TANGO6: variants seen among roughly 807,000 people sequenced by gnomAD.
TANGO6 encodes transport and Golgi organization protein 6 homolog.
A neutral mutation model predicts 114.2 loss-of-function variants in TANGO6; 90 were observed. The observed-to-expected ratio is 0.79, with a 90% CI of 0.66 to 0.94. The LOEUF is 0.94. Ranked by LOEUF, TANGO6 falls within the 40% of genes least tolerant of loss-of-function variation. TANGO6 has a pLI of 0.00. For synonymous variants in TANGO6, 477 were observed against 509.8 expected (o/e 0.94, Z 0.87); for missense variants, 1,274 against 1,315.3 (o/e 0.97, Z 0.49).
intron 16 of TANGO6, among the ~76,000 whole-genome samples, chr16:69,023,741 A>T (rs1959451752): frequency 6.7e-6 from 1 of 150,248 alleles, no homozygotes; most frequent in South Asian, 2.1e-4. Flanking sequence ...GTTGTTTACC[A>T]AAAAAAAACG....
intron 15 of TANGO6, among the ~76,000 whole-genome samples, chr16:69,022,583 A>G (rs1250443967): frequency 2.6e-5 from 4 of 152,094 alleles, no homozygotes; most frequent in African/African-American, 9.7e-5. Flanking sequence ...ATGCACCTGT[A>G]GTCCCAACTA....
intron 17 of TANGO6, among the ~76,000 whole-genome samples, chr16:69,063,180 G>T (rs1185416817): frequency 6.8e-6 from 1 of 148,070 alleles, no homozygotes; most frequent in Non-Finnish European, 1.5e-5. Flanking sequence ...CCAAGATCGC[G>T]CCATTACCCT....
chr16:69,059,878 G>A (rs1172240925), intron 17 of TANGO6, among the ~76,000 whole-genome samples: 1 of 152,148 alleles, frequency 6.6e-6, no homozygotes, highest in Non-Finnish European at 1.5e-5. Flanking sequence ...GTTTCTTGTG[G>A]TCTATCAGAT....
At chr16:68,844,871 A>G (rs1207623731) in intron 1 of TANGO6, among the ~76,000 whole-genome samples, 1 of 152,022 alleles carries the variant, frequency 6.6e-6, no homozygotes, top group Non-Finnish European at 1.5e-5. Flanking sequence ...CACTAAAAGT[A>G]TGGTAAATAT....
intron 15 of TANGO6, among the ~76,000 whole-genome samples, chr16:69,001,700 G>A (rs944549964): frequency 1.3e-5 from 2 of 152,078 alleles, no homozygotes; most frequent in Non-Finnish European, 2.9e-5. Flanking sequence ...AAAAAGAAAG[G>A]AACACCATGG....
chr16:69,077,515 G>T (rs1960398732), intron 17 of TANGO6, among the ~76,000 whole-genome samples: 1 of 151,966 alleles, frequency 6.6e-6, no homozygotes, highest in Admixed American at 6.6e-5. Flanking sequence ...GAGGCATTGG[G>T]GCTATACCAG....
chr16:69,022,798 G>A (rs1434133434), intron 15 of TANGO6, 30 bp from the exon 16 acceptor site: 7 of 1,551,618 alleles, frequency 4.5e-6, no homozygotes, highest in African/African-American at 2.7e-5. Context: ...TTTGTTTTAA[G>A]GGGTTTTGAT....
intron 14 of TANGO6, chr16:68,973,190 C>A: frequency 2.2e-6 from 1 of 455,870 alleles, no homozygotes; most frequent in Non-Finnish European, 4.4e-6. Context: ...AAACCCAAAG[C>A]AGAGTTGATG....
At position 68,926,488 on chromosome 16, in the gene TANGO6, C is replaced by T. The variant is rs140170480; in HGVS notation, c.2128-1080C>T. ...CAGCCTAGGCAGCAGAGCGAGACTC[C>T]GTTTCCAAAAAGAAAAGAAAAAAAT... On this transcript the variant is annotated intron_variant, in intron 12 of 17. Coordinates refer to ENST00000261778, the MANE Select transcript of TANGO6 (RefSeq NM_024562.2). 6.7e-4 allele frequency among the ~76,000 whole-genome samples: 101 copies of T among 150,984 alleles called. 1 individual carries two copies. The highest frequency in any genetic ancestry group is 2.3e-3 in the African/African-American group (95 of 41,164).
chr16:69,011,609 C>G (rs1337181638), intron 15 of TANGO6, among the ~76,000 whole-genome samples: 2 of 152,136 alleles, frequency 1.3e-5, no homozygotes, highest in African/African-American at 4.8e-5. Context: ...CACATGCTAC[C>G]ATACCCAGCT....
intron 15 of TANGO6, among the ~76,000 whole-genome samples, chr16:68,991,759 A>T (rs935509181): frequency 2.0e-5 from 3 of 152,230 alleles, no homozygotes; most frequent in Admixed American, 6.5e-5. Flanking sequence ...AGGGAGGCAG[A>T]GGTTGCAGTG....
intron 14 of TANGO6, among the ~76,000 whole-genome samples, chr16:68,932,246 A>T (rs1440834737): frequency 1.3e-5 from 2 of 151,952 alleles, no homozygotes; most frequent in Non-Finnish European, 2.9e-5. Flanking sequence ...ATGTGCCACC[A>T]CACCTGGCTA....
intron 17 of TANGO6, among the ~76,000 whole-genome samples, chr16:69,042,079 CTG>C (rs1435077195): frequency 2.0e-5 from 3 of 152,204 alleles, no homozygotes; most frequent in Non-Finnish European, 2.9e-5. Context: ...TTGGCCAGAA[CTG>C]TGTCAAACAA....
intron 17 of TANGO6, among the ~76,000 whole-genome samples, chr16:69,074,855 AT>A (rs1024063125): frequency 5.3e-5 from 7 of 132,456 alleles, no homozygotes; most frequent in Non-Finnish European, 9.9e-5. Flanking sequence ...TATTATTATT[AT>A]TTTTTTTTGG....
At chr16:68,991,719 G>T (rs1233670848) in intron 15 of TANGO6, among the ~76,000 whole-genome samples, 2 of 152,184 alleles carry the variant, frequency 1.3e-5, no homozygotes, top group African/African-American at 4.8e-5. Flanking sequence ...TCGGGAGGCT[G>T]AGGCAGAAGA....
rs1963052115 is a variant in TANGO6, at chr16:68,919,083, AGGT to A, written c.1997_1999del (p.Val666del). 1.9e-6 allele frequency: 3 copies of A among 1,601,912 alleles called. No individual in the cohort carries two copies. Among genetic ancestry groups the A allele is most frequent in the Non-Finnish European group, 2.6e-6 (3 of 1,174,966 alleles). Reference sequence around the variant, plus strand: ...TGATTCTCAATTCCCTTTTTTGGGTAGGTGGTGGACTTTGTAGCAGCAACATTG... The same window carrying A: ...TGATTCTCAATTCCCTTTTTTGGGTAGGTGGACTTTGTAGCAGCAACATTG... On this transcript the variant is annotated splice_acceptor_variant and coding_sequence_variant, in exon 12 of 18. Coordinates refer to ENST00000261778, the MANE Select transcript of TANGO6 (RefSeq NM_024562.2). LOFTEE classifies it high-confidence loss of function.
chr16:68,863,133 A>G, intron 3 of TANGO6, 72 bp downstream of exon 3: 2 of 929,962 alleles, frequency 2.2e-6, no homozygotes, highest in Non-Finnish European at 3.1e-6. Flanking sequence ...TCTTCTGGAA[A>G]ATTAAATAAC....
In TANGO6 at chr16:68,971,987, C is replaced by G. The variant is rs1963710084; in HGVS notation, c.2702-2041C>G. Among the ~76,000 whole-genome samples, 3 of 152,204 alleles carry G rather than the reference C, an allele frequency of 2.0e-5. No individual in the cohort carries two copies. The South Asian group carries it at 6.2e-4, about 32-fold the overall frequency. On this transcript the variant is annotated intron_variant, in intron 14 of 17. Coordinates refer to ENST00000261778, the MANE Select transcript of TANGO6 (RefSeq NM_024562.2). ...ATTCCATAACTCCGTGTTGAACCTC[C>G]AAGGACTTCTTCATCATTTTATATA...
chr16:68,997,983 C>A lies in TANGO6; in HGVS notation c.2842+23815C>A, dbSNP rs1331594195. 2.0e-5 allele frequency among the ~76,000 whole-genome samples: 3 copies of A among 152,252 alleles called. No individual in the cohort carries two copies. The East Asian group carries it at 5.8e-4, about 29-fold the overall frequency. Reference sequence around the variant, plus strand: ...AAGTGTTGGTATGGTGAGGGCCATTCATAACTGAGTCTCAACAGAAGGTAT... The same window carrying A: ...AAGTGTTGGTATGGTGAGGGCCATTAATAACTGAGTCTCAACAGAAGGTAT... On this transcript the variant is annotated intron_variant, in intron 15 of 17. Transcript: ENST00000261778.
Sources: allele counts gnomAD v4.1 joint callset (sites outside exome capture counted in the v4.1 genomes callset), GRCh38; gene constraint gnomAD v4.1.1; transcripts MANE v1.5; gene names NCBI Gene and HGNC (gene_info 2026-07-23, HGNC 2026-07-21).